TTC39A: variants seen among roughly 807,000 people sequenced by gnomAD.
TTC39A encodes tetratricopeptide repeat domain 39A.
Under a neutral mutation model 82.3 loss-of-function variants are expected in TTC39A, and 46 were observed. The ratio of observed to expected loss-of-function variants is 0.56; its 90% CI spans 0.44 to 0.71. The LOEUF (loss-of-function observed/expected upper bound fraction) is 0.71, where lower values mean the gene tolerates loss of function less well. TTC39A is among the 30% of genes least tolerant of loss of function. The pLI, the probability that TTC39A is intolerant of heterozygous loss-of-function variation, is 0.00. For missense variants in TTC39A, 543 were observed against 712.9 expected (o/e 0.76, Z 2.71); for synonymous variants, 254 against 275.2 (o/e 0.92, Z 0.76).
upstream of TTC39A, chr1:51,330,988 C>T: frequency 1.5e-6 from 1 of 668,004 alleles, no homozygotes; most frequent in Non-Finnish European, 2.7e-6. This position sits in a 1 kb window ranked among gnomAD's most constrained non-coding sequence, Gnocchi z 4.5. Flanking sequence ...CCCACCATCT[C>T]GCCCACTGAG....
At chr1:51,328,940 G>A (rs966132523) in intron 1 of TTC39A, among the ~76,000 whole-genome samples, 3 of 152,170 alleles carry the variant, frequency 2.0e-5, no homozygotes, top group Admixed American at 2.0e-4. Context: ...CCTCTGCTCA[G>A]ACCCCACCAG....
chr1:51,337,424 A>ATTTT (rs1017474435), intron 1 of TTC39A, among the ~76,000 whole-genome samples: 3 of 132,102 alleles, frequency 2.3e-5, no homozygotes, highest in East Asian at 2.1e-4. Context: ...ATTCTGTTTA[A>ATTTT]TTTTTTTTTT....
Position 51,305,012 on chromosome 1 carries a change from C to G in TTC39A, c.654+69G>C, listed in dbSNP as rs929802902. ...TCCTAGGCCCTGTGGCCTGTCAGCC[C>G]CACCCTGTGCAGCCCAGCCCCAGTT... is the stretch of plus-strand genomic sequence containing the variant. On this transcript the variant is annotated intron_variant, in intron 8 of 17. Coordinates refer to ENST00000680483, the MANE Select transcript of TTC39A (RefSeq NM_001297663.2). 1.0e-5 allele frequency: 16 copies of G among 1,567,380 alleles called. No individual in the cohort carries two copies. The African/African-American group carries it at 2.0e-4, about 20-fold the overall frequency.
Position 51,312,123 on chromosome 1 carries a change from A to G in TTC39A, c.351T>C (p.Thr117=), listed in dbSNP as rs1258606947. ...LVNRPTLGQF[T]EEEIHAEVCY... ...AGGATGTCCTGGATGCCACACCTTC[A>G]GTGAATTGGCCCAGCGTGGGGCGGT... Residue 117 remains threonine (T), a synonymous_variant, in exon 4 of 18, where the codon ACT becomes ACC. Coordinates refer to ENST00000680483, the MANE Select transcript of TTC39A (RefSeq NM_001297663.2). 1 of 1,611,200 alleles carries G rather than the reference A, an allele frequency of 6.2e-7. No homozygotes were observed. The highest frequency in any genetic ancestry group is 8.5e-7 in the Non-Finnish European group (1 of 1,178,826).
chr1:51,325,017 G>A lies in TTC39A; in HGVS notation c.42-3192C>T, dbSNP rs1645660663. Among the ~76,000 whole-genome samples, 6 of 151,560 alleles carry A rather than the reference G, an allele frequency of 4.0e-5. No homozygotes were observed. In the South Asian group the frequency reaches 1.3e-3, roughly 32 times the overall value. ...TGCCTGTAATCCCAGCATTTTTGGA[G>A]GCTGAGGCGGGCGGATCACCTGAGG... On this transcript the variant is annotated intron_variant, in intron 1 of 17. Coordinates refer to ENST00000680483, the MANE Select transcript of TTC39A (RefSeq NM_001297663.2).
chr1:51,337,876 A>G lies in TTC39A; in HGVS notation c.53+7115T>C, dbSNP rs921718799. ...CCCTATTAAACTAAGTTCCACAGGTAGGGCTTTTGTTTGTTTTGAGTGGGG... is the reference window on the plus strand; with the variant it reads ...CCCTATTAAACTAAGTTCCACAGGTGGGGCTTTTGTTTGTTTTGAGTGGGG... On this transcript the variant is annotated intron_variant, in intron 1 of 5. Transcript: ENST00000401051. Among the ~76,000 whole-genome samples the G allele has an allele frequency of 3.9e-4, 59 of 152,006 alleles. 1 individual carries two copies. Among genetic ancestry groups the G allele is most frequent in the African/African-American group, 1.4e-3 (59 of 41,444 alleles).
chr1:51,311,410 G>A, intron 4 of TTC39A, 89 bp from the exon 5 acceptor site: 2 of 1,251,128 alleles, frequency 1.6e-6, no homozygotes, highest in Non-Finnish European at 2.2e-6. Flanking sequence ...TTCCCCAAAA[G>A]CAAAGGGAAC....
intron 1 of TTC39A, among the ~76,000 whole-genome samples, chr1:51,338,598 CTTT>C (rs982499820): frequency 6.3e-5 from 7 of 111,816 alleles, no homozygotes; most frequent in African/African-American, 1.7e-4. Context: ...GGAGATTTAT[CTTT>C]TTTTTTTTTT....
intron 12 of TTC39A, chr1:51,301,015 C>G (rs1214012873): frequency 1.3e-5 from 2 of 152,302 alleles, no homozygotes; most frequent in Non-Finnish European, 2.9e-5. Context: ...GAGAGCACAG[C>G]CACAAATGGA....
Position 51,290,578 on chromosome 1 carries a change from C to A in TTC39A, c.1314G>T (p.Pro438=). The change falls in exon 15 of 18, where the codon CCG becomes CCT. Residue 438 remains proline (P), a synonymous_variant. Transcript: ENST00000680483. Reference sequence around the variant, plus strand: ...TCTCAAGTATCCCATCCGTGAGTTTCGGCTGCTTCCCAATCACGGCGTAGC... The same window carrying A: ...TCTCAAGTATCCCATCCGTGAGTTTAGGCTGCTTCCCAATCACGGCGTAGC... ...WNGYAVIGKQ[P]KLTDGILEII... is the part of the protein sequence containing the mutation. 6.2e-7 allele frequency: 1 copy of A among 1,613,968 alleles called. No homozygotes were observed. Among genetic ancestry groups the A allele is most frequent in the Non-Finnish European group, 8.5e-7 (1 of 1,179,860 alleles).
At chr1:51,326,227 C>G (rs558717723) in intron 1 of TTC39A, among the ~76,000 whole-genome samples, 1 of 152,174 alleles carries the variant, frequency 6.6e-6, no homozygotes, top group Non-Finnish European at 1.5e-5. Context: ...TCTAACTCAG[C>G]CTGGGGCACT....
intron 13 of TTC39A, among the ~76,000 whole-genome samples, chr1:51,295,352 A>T (rs987402575): frequency 6.6e-6 from 1 of 152,172 alleles, no homozygotes; most frequent in African/African-American, 2.4e-5. Flanking sequence ...GGAGGCTCAT[A>T]TTATACCCAT....
Position 51,321,944 on chromosome 1 carries a change from C to G in TTC39A, c.42-119G>C, listed in dbSNP as rs142629285. On this transcript the variant is annotated intron_variant, in intron 1 of 17. Coordinates refer to ENST00000680483, the MANE Select transcript of TTC39A (RefSeq NM_001297663.2). This position sits in a 1 kb window ranked among gnomAD's most constrained non-coding sequence, Gnocchi z 4.6. ...CCTGGCCAGCCTTGGGTGCCTGTCA[C>G]GAGCTCCTCCAGGCTGCCACTCTGT... 7.6e-7 allele frequency: 1 copy of G among 1,317,318 alleles called. No individual in the cohort carries two copies. The highest frequency in any genetic ancestry group is 2.5e-5 in the East Asian group (1 of 39,582). The allele number at this position is 1,317,318 out of a possible 1,614,324, so 81.6% of individuals were successfully genotyped here. A position where few individuals can be genotyped will look rare whatever the true frequency, so the allele number is the denominator to read the frequency against.
rs192175465 is a variant in TTC39A, at chr1:51,329,032, T to C, written c.41+1405A>G. Among the ~76,000 whole-genome samples the C allele has an allele frequency of 4.1e-3, 622 of 152,270 alleles. 7 individuals are homozygous for C. Among genetic ancestry groups the C allele is most frequent in the Non-Finnish European group, 5.7e-3 (387 of 68,002 alleles). ...CAGGCATGCAGAGAGGCAGGTACGG[T>C]TCTGCATAAGGAAGACCCACCAGCG... On this transcript the variant is annotated intron_variant, in intron 1 of 17. Coordinates refer to ENST00000680483, the MANE Select transcript of TTC39A (RefSeq NM_001297663.2).
intron 4 of TTC39A, among the ~76,000 whole-genome samples, chr1:51,311,918 A>G (rs1284826965): frequency 2.0e-5 from 3 of 152,324 alleles, no homozygotes; most frequent in East Asian, 1.9e-4. Flanking sequence ...GTGCTATCGC[A>G]TAAGTGGGTC....
At chr1:51,295,181 C>T (rs867383841) in intron 13 of TTC39A, among the ~76,000 whole-genome samples, 1 of 152,198 alleles carries the variant, frequency 6.6e-6, no homozygotes, top group Admixed American at 6.5e-5. Flanking sequence ...CACTGTAGAA[C>T]CTCTCTTGGC....
In TTC39A at chr1:51,294,480, C is replaced by T; in HGVS notation, c.1177G>A (p.Gly393Arg). 5 of 1,613,984 alleles carry T rather than the reference C, an allele frequency of 3.1e-6. No homozygotes were observed. The highest frequency in any genetic ancestry group is 4.2e-6 in the Non-Finnish European group (5 of 1,179,890). ...AVPGLKLKIAGKSLPTEKFAI... is the reference protein window; with the variant it reads ...AVPGLKLKIARKSLPTEKFAI... ...AACTTCTCTGTGGGTAGAGATTTCC[C>T]AGCAATCTTGAGCTTCAGGCCTGGC... The change falls in exon 14 of 18, where the codon GGG (glycine) becomes AGG (arginine). Residue 393 changes from glycine to arginine, a missense_variant. Transcript: ENST00000680483. This position sits in a 1 kb window ranked among gnomAD's most constrained non-coding sequence, Gnocchi z 4.3.
chr1:51,336,330 C>G (rs537839831), upstream of TTC39A, among the ~76,000 whole-genome samples: 1 of 152,084 alleles, frequency 6.6e-6, no homozygotes, highest in African/African-American at 2.4e-5. Context: ...GCTCTGTGAC[C>G]TTTGGCAAGT....
In TTC39A at chr1:51,320,406, TTTTC is replaced by T. The variant is rs1291241192; in HGVS notation, c.146+1311_146+1314del. On this transcript the variant is annotated intron_variant, in intron 2 of 17. Coordinates refer to ENST00000680483, the MANE Select transcript of TTC39A (RefSeq NM_001297663.2). The stretch of plus-strand genomic sequence containing the variant: ...TCTTTCTTTTCTTTTCTTTTTTTCT[TTTTC>T]TTTTTCTTTTTTTTTTTTTTTTTTT... Among the ~76,000 whole-genome samples the T allele has an allele frequency of 4.4e-5, 6 of 135,280 alleles. No individual in the cohort carries two copies. In the South Asian group the frequency reaches 1.4e-3, roughly 31 times the overall value. The allele number at this position is 135,280 out of a possible 152,430, so 88.7% of individuals were successfully genotyped here.
Sources: gnomAD v4.1 joint callset for allele counts (sites outside exome capture counted in the v4.1 genomes callset) on GRCh38, gnomAD v4.1.1 for gene constraint, Gnocchi (gnomAD v3.1) non-coding constraint, MANE v1.5 for transcripts, NCBI Gene and HGNC (gene_info 2026-07-23, HGNC 2026-07-21) for gene names.